Variants in RIGI observed in about 807,000 individuals in gnomAD.
The protein encoded by RIGI is RNA sensor RIG-I, also known as antiviral innate immune response receptor RIG-I.
chr9:32,466,199 C>G, the RIGI span: 1 of 1,351,878 alleles, frequency 7.4e-7, no homozygotes, highest in African/African-American at 1.5e-5. Context: ...ATATAACACT[C>G]TAAGCAATAT....
the RIGI span, chr9:32,457,302 T>C: frequency 6.2e-7 from 1 of 1,614,190 alleles, no homozygotes; most frequent in Non-Finnish European, 8.5e-7. Flanking sequence ...TGCAGTTCTG[T>C]CGGGCACAGA....
At chr9:32,472,050 G>A in the RIGI span, among the ~76,000 whole-genome samples, 6 of 152,238 alleles carry the variant, frequency 3.9e-5, no homozygotes, top group African/African-American at 1.4e-4. Flanking sequence ...TGGTCAGGAT[G>A]AGGGCGGGCC....
chr9:32,474,202 CAAAA>C, the RIGI span, among the ~76,000 whole-genome samples: 1 of 50,914 alleles, frequency 2.0e-5, no homozygotes, highest in Non-Finnish European at 3.4e-5. Flanking sequence ...GACCCTGTCT[CAAAA>C]AAAAAAAAAA....
At chr9:32,479,974 G>A in the RIGI span, among the ~76,000 whole-genome samples, 1 of 151,888 alleles carries the variant, frequency 6.6e-6, no homozygotes, top group African/African-American at 2.4e-5. Context: ...AACCATATGG[G>A]AAACACCCTT....
the RIGI span, among the ~76,000 whole-genome samples, chr9:32,515,354 T>C: frequency 6.6e-6 from 1 of 151,802 alleles, no homozygotes; most frequent in Admixed American, 6.6e-5. Flanking sequence ...TTGTTTTTCC[T>C]GAATGTTTAC....
the RIGI span, among the ~76,000 whole-genome samples, chr9:32,479,411 T>C: frequency 6.6e-6 from 1 of 152,262 alleles, no homozygotes; most frequent in Admixed American, 6.5e-5. Flanking sequence ...CCCAAAATTA[T>C]TAGCACTAAT....
the RIGI span, among the ~76,000 whole-genome samples, chr9:32,504,416 G>A: frequency 1.2e-4 from 18 of 151,990 alleles, no homozygotes; most frequent in South Asian, 6.3e-4. Context: ...AGTGGCTCAC[G>A]CCTGTAATCC....
the RIGI span, among the ~76,000 whole-genome samples, chr9:32,480,941 G>A: frequency 1.2e-3 from 187 of 152,280 alleles, no homozygotes; most frequent in Non-Finnish European, 2.1e-3. Flanking sequence ...AGCATGGGGC[G>A]TCACCAAAGG....
At chr9:32,521,161 A>AAAAAAAC in the RIGI span, among the ~76,000 whole-genome samples, 1 of 150,634 alleles carries the variant, frequency 6.6e-6, no homozygotes, top group African/African-American at 2.4e-5. Context: ...AAAAAAAAAA[A>AAAAAAAC]ACTTCACAGA....
chr9:32,489,445 G>T, the RIGI span: 3 of 1,609,050 alleles, frequency 1.9e-6, no homozygotes, highest in South Asian at 3.3e-5. Context: ...GTTTGTATCA[G>T]ACACTTCTGG....
At chr9:32,501,688 T>C in the RIGI span, among the ~76,000 whole-genome samples, 1 of 152,192 alleles carries the variant, frequency 6.6e-6, no homozygotes, top group South Asian at 2.1e-4. Flanking sequence ...CTGGGTTTTC[T>C]TTCCCATTGT....
chr9:32,467,942 A>G, the RIGI span: 1 of 1,573,286 alleles, frequency 6.4e-7, no homozygotes, highest in Non-Finnish European at 8.7e-7. Context: ...CCTGTGTCAG[A>G]GTAAGAGGGC....
the RIGI span, among the ~76,000 whole-genome samples, chr9:32,499,494 T>C: frequency 6.6e-6 from 1 of 152,082 alleles, no homozygotes; most frequent in Non-Finnish European, 1.5e-5. Context: ...TTTCACTCAT[T>C]GCCCAAGCTG....
chr9:32,492,565 A>C, the RIGI span: 53 of 1,612,322 alleles, frequency 3.3e-5, no homozygotes, highest in South Asian at 4.4e-4. Context: ...TAGTTTATTG[A>C]TCAATTATCT....
chr9:32,502,832 C>T, the RIGI span, among the ~76,000 whole-genome samples: 1 of 152,196 alleles, frequency 6.6e-6, no homozygotes, highest in Non-Finnish European at 1.5e-5. Context: ...ACAGCATTCT[C>T]GTTGTCTCTA....
chr9:32,465,882 T>G, the RIGI span, among the ~76,000 whole-genome samples: 2 of 152,230 alleles, frequency 1.3e-5, no homozygotes, highest in East Asian at 3.8e-4. Flanking sequence ...AGGCATCCCA[T>G]TCCAAGGTGT....
At chr9:32,473,358 G>T in the RIGI span, among the ~76,000 whole-genome samples, 3 of 136,422 alleles carry the variant, frequency 2.2e-5, no homozygotes, top group Non-Finnish European at 4.5e-5. Context: ...CACGATCTTC[G>T]CTCACTGCAA....
chr9:32,522,240 T>A, the RIGI span, among the ~76,000 whole-genome samples: 1 of 152,190 alleles, frequency 6.6e-6, no homozygotes, highest in African/African-American at 2.4e-5. Flanking sequence ...ATCTGGAGAA[T>A]TTTTTCTTTT....
chr9:32,515,170 G>C, the RIGI span, among the ~76,000 whole-genome samples: 19 of 152,024 alleles, frequency 1.2e-4, no homozygotes, highest in Non-Finnish European at 2.5e-4. Context: ...GAGAGGCCAA[G>C]GCGTGCGGAC....
Sources: gnomAD v4.1 joint callset for allele counts (sites outside exome capture counted in the v4.1 genomes callset) on GRCh38, gnomAD v4.1.1 for gene constraint, MANE v1.5 for transcripts, NCBI Gene and HGNC (gene_info 2026-07-23, HGNC 2026-07-21) for gene names.